Variants in ITPKC observed in about 807,000 individuals in gnomAD.
The protein encoded by ITPKC is IP3 3-kinase C.
ITPKC carries 33 observed loss-of-function variants against 67.1 expected under a neutral mutation model. That is an observed-to-expected ratio of 0.49 (90% CI 0.37 to 0.66). The LOEUF (loss-of-function observed/expected upper bound fraction) is 0.66, where lower values mean the gene tolerates loss of function less well. ITPKC is among the 30% of genes least tolerant of loss of function. The pLI is 0.00. For synonymous variants in ITPKC, 341 were observed against 359.8 expected, an observed-to-expected ratio of 0.95 and a Z score of 0.59; for missense variants, 820 against 892.1, an observed-to-expected ratio of 0.92 and a Z score of 1.03.
chr19:40,737,851 G>C (rs1232063322), intron 6 of ITPKC, 82 bp downstream of exon 6: 6 of 1,198,194 alleles, frequency 5.0e-6, no homozygotes, highest in East Asian at 2.3e-5. Context: ...TGAGTTACAG[G>C]TCAAAGATAT....
At chr19:40,735,560 T>C (rs1333912640) in intron 4 of ITPKC, among the ~76,000 whole-genome samples, 7 of 152,084 alleles carry the variant, frequency 4.6e-5, no homozygotes, top group Non-Finnish European at 1.0e-4. Context: ...TCTGTCTCCT[T>C]TCAAATTTTG....
intron 1 of ITPKC, among the ~76,000 whole-genome samples, chr19:40,721,614 C>G (rs2082222926): frequency 6.6e-6 from 1 of 152,016 alleles, no homozygotes; most frequent in Non-Finnish European, 1.5e-5. Flanking sequence ...GGTGATCCAC[C>G]CACCTCAGCC....
rs779431181 is a variant in ITPKC, at chr19:40,733,164, T to C, written c.1474T>C (p.Tyr492His). 6 of 1,614,120 alleles carry C rather than the reference T, an allele frequency of 3.7e-6. No individual in the cohort carries two copies. The highest frequency in any genetic ancestry group is 5.1e-6 in the Non-Finnish European group (6 of 1,179,942). ...TCACATCCTCTGTGTGCTCAGGACC[T>C]ATCTGGAAGAGGAGCTAGTGAAGGC... is the stretch of plus-strand genomic sequence containing the variant. ...IMDCKMGSRT[Y>H]LEEELVKARE... is the part of the protein sequence containing the mutation. The change falls in exon 4 of 7, where the codon TAT becomes CAT. Residue 492 changes from tyrosine to histidine, a missense_variant. Tyr to His is a moderately conservative substitution (Grantham distance 83). Around this residue, in one of 2 missense-constraint regions of ITPKC, gnomAD observed 339 missense variants for 422.0 expected, o/e 0.80. Transcript: ENST00000263370.
chr19:40,739,487 G>A lies in ITPKC; in HGVS notation c.1979G>A (p.Gly660Asp). The change falls in exon 7 of 7, where the codon GGC becomes GAC. Residue 660 changes from glycine (G) to aspartate (D), a missense_variant. Physicochemically the swap from Gly to Asp is moderately conservative, Grantham distance 94. This residue lies in a region of ITPKC where 339 missense variants were observed against 422.0 expected (regional missense o/e 0.80). Coordinates refer to ENST00000263370, the MANE Select transcript of ITPKC (RefSeq NM_025194.3). ...AGCCACAGGCTGCCCTGGGCTGAGG[G>A]CAACCGTGAGGACGGCTACCTCTGG... ...TLSHRLPWAE[G>D]NREDGYLWGL... 1 of 1,613,588 alleles carries A rather than the reference G, an allele frequency of 6.2e-7. No individual in the cohort carries two copies. Among genetic ancestry groups the A allele is most frequent in the Non-Finnish European group, 8.5e-7 (1 of 1,179,998 alleles).
At chr19:40,724,147 C>T (rs966610369) in intron 1 of ITPKC, among the ~76,000 whole-genome samples, 3 of 152,164 alleles carry the variant, frequency 2.0e-5, no homozygotes, top group Non-Finnish European at 2.9e-5. Context: ...GTGGCTCACA[C>T]CTATAATCCC....
Position 40,723,757 on chromosome 19 carries a change from G to A in ITPKC, c.1156-1583G>A, listed in dbSNP as rs1225335814. Among the ~76,000 whole-genome samples, 6 of 151,898 alleles carry A rather than the reference G, an allele frequency of 4.0e-5. No homozygotes were observed. In the East Asian group the frequency reaches 5.8e-4, roughly 15 times the overall value. Reference sequence around the variant, plus strand: ...GGTGATCTGCCCACCTCACCCTCCCGAAATGCTGGGATTACAGGTGAGAGC... The same window carrying A: ...GGTGATCTGCCCACCTCACCCTCCCAAAATGCTGGGATTACAGGTGAGAGC... On this transcript the variant is annotated intron_variant, in intron 1 of 6. Transcript: ENST00000263370.
At chr19:40,722,772 C>CT (rs2082228264) in intron 1 of ITPKC, among the ~76,000 whole-genome samples, 1 of 152,014 alleles carries the variant, frequency 6.6e-6, no homozygotes, top group African/African-American at 2.4e-5. Context: ...CTCTGGTTTT[C>CT]TTTCTTTCTT....
At chr19:40,732,768 T>C (rs2082277699) in intron 3 of ITPKC, among the ~76,000 whole-genome samples, 1 of 152,142 alleles carries the variant, frequency 6.6e-6, no homozygotes, top group East Asian at 1.9e-4. Flanking sequence ...GTTTTTTTCA[T>C]TGTGTTTAAG....
chr19:40,736,936 T>A, intron 4 of ITPKC, 50 bp from the exon 5 acceptor site: 6 of 1,277,378 alleles, frequency 4.7e-6, no homozygotes, highest in Non-Finnish European at 6.7e-6. Context: ...GGGTATTGGG[T>A]GCGGGAAGGA....
chr19:40,717,564 T>C lies in ITPKC; in HGVS notation c.429T>C (p.Asp143=), dbSNP rs201815448. Reference sequence around the variant, plus strand: ...GTCTTTGGACGGAGACCGGGACAGATGGCCTTTGGACTGATCCGCACAGGT... The same window carrying C: ...GTCTTTGGACGGAGACCGGGACAGACGGCCTTTGGACTGATCCGCACAGGT... ...TTCLWTETGT[D]GLWTDPHRSD... The change falls in exon 1 of 7, where the codon GAT becomes GAC. Residue 143 remains aspartate, a synonymous_variant. Coordinates refer to ENST00000263370, the MANE Select transcript of ITPKC (RefSeq NM_025194.3). 26 of 1,613,948 alleles carry C rather than the reference T, an allele frequency of 1.6e-5. No homozygotes were observed. Among genetic ancestry groups the C allele is most frequent in the Non-Finnish European group, 2.0e-5 (24 of 1,179,988 alleles).
At position 40,718,798 on chromosome 19, in the gene ITPKC, C is replaced by G. The variant is rs567572248; in HGVS notation, c.1155+508C>G. On this transcript the variant is annotated intron_variant, in intron 1 of 6. Coordinates refer to ENST00000263370, the MANE Select transcript of ITPKC (RefSeq NM_025194.3). Reference sequence around the variant, plus strand: ...TTTGTATGTACATTTTTCTAGGGAGCAAAGCGATTCCCCCAGCTTGCATCA... The same window carrying G: ...TTTGTATGTACATTTTTCTAGGGAGGAAAGCGATTCCCCCAGCTTGCATCA... Among the ~76,000 whole-genome samples, 9 of 152,270 alleles carry G rather than the reference C, an allele frequency of 5.9e-5. No homozygotes were observed. The East Asian group carries it at 1.7e-3, about 29-fold the overall frequency.
rs749864734 is a variant in ITPKC, at chr19:40,729,413, C to T, written c.1467C>T (p.Ser489=). 5 of 1,611,708 alleles carry T rather than the reference C, an allele frequency of 3.1e-6. No individual in the cohort carries two copies. In the Admixed American group the frequency reaches 8.4e-5, roughly 27 times the overall value. Residue 489 remains serine (S), a splice_region_variant and synonymous_variant, in exon 3 of 7, where the codon AGC becomes AGT. Transcript: ENST00000263370. ...CCATTATGGACTGCAAGATGGGCAG[C>T]AGGTGGGGCTGGGGCAGCCCTGGGG... The part of the protein sequence containing the change: ...GPSIMDCKMG[S]RTYLEEELVK...
intron 3 of ITPKC, among the ~76,000 whole-genome samples, chr19:40,732,632 A>G (rs1013274859): frequency 2.0e-5 from 3 of 151,440 alleles, no homozygotes; most frequent in African/African-American, 4.8e-5. Flanking sequence ...GGGTCTCGCT[A>G]TGTTGCCGAG....
chr19:40,737,151 C>A, intron 5 of ITPKC, 64 bp downstream of exon 5: 1 of 1,107,092 alleles, frequency 9.0e-7, no homozygotes, highest in Non-Finnish European at 1.3e-6. Context: ...ATTCTTGCTC[C>A]AGAGTCAGTG....
At chr19:40,724,034 C>G (rs995721133) in intron 1 of ITPKC, among the ~76,000 whole-genome samples, 1 of 152,204 alleles carries the variant, frequency 6.6e-6, no homozygotes, top group Non-Finnish European at 1.5e-5. Context: ...CTCCCTCCCC[C>G]ACTGGGGAAC....
Position 40,737,751 on chromosome 19 carries a change from C to T in ITPKC, c.1830C>T (p.Pro610=), listed in dbSNP as rs1228416481. The T allele has an allele frequency of 6.2e-7, 1 of 1,613,996 alleles. No individual in the cohort carries two copies. Among genetic ancestry groups the T allele is most frequent in the Non-Finnish European group, 8.5e-7 (1 of 1,179,982 alleles). ...EELREALEIS[P]FFKTHEVVGS... is the part of the protein sequence containing the mutation. Reference sequence around the variant, plus strand: ...TTCGTGAAGCTCTGGAGATCTCCCCCTTCTTCAAGACCCACGAGGTGCGAG... The same window carrying T: ...TTCGTGAAGCTCTGGAGATCTCCCCTTTCTTCAAGACCCACGAGGTGCGAG... The change falls in exon 6 of 7, where the codon CCC becomes CCT. Residue 610 remains proline, a synonymous_variant. Coordinates refer to ENST00000263370, the MANE Select transcript of ITPKC (RefSeq NM_025194.3).
Position 40,718,102 on chromosome 19 carries a change from C to A in ITPKC, c.967C>A (p.Pro323Thr), listed in dbSNP as rs908407684. 2.0e-5 allele frequency: 33 copies of A among 1,613,322 alleles called. No homozygotes were observed. Among genetic ancestry groups the A allele is most frequent in the South Asian group, 3.3e-5 (3 of 91,090 alleles). The change falls in exon 1 of 7, where the codon CCC becomes ACC. Residue 323 changes from proline (P) to threonine (T), a missense_variant. Transcript: ENST00000263370. ...CCTGTACTCTCACCTGAAGTGTAGC[C>A]CCCTGTGCCCTGTGCCCCGCCTCAT... Reference protein sequence around the residue: ...THLYSHLKCSPLCPVPRLIIT... With the variant: ...THLYSHLKCSTLCPVPRLIIT...
chr19:40,722,796 A>C (rs927236879), intron 1 of ITPKC, among the ~76,000 whole-genome samples: 1 of 151,920 alleles, frequency 6.6e-6, no homozygotes, highest in Non-Finnish European at 1.5e-5. Context: ...TATTTTTTTG[A>C]GTCAGGGTCT....
intron 1 of ITPKC, among the ~76,000 whole-genome samples, chr19:40,723,054 C>G (rs1416292842): frequency 6.6e-6 from 1 of 152,104 alleles, no homozygotes; most frequent in Non-Finnish European, 1.5e-5. Context: ...CTCTGCCTCT[C>G]AGGTTCACAC....
Sources: allele counts gnomAD v4.1 joint callset (sites outside exome capture counted in the v4.1 genomes callset), GRCh38; gene constraint gnomAD v4.1.1; regional missense constraint gnomAD v4.1.1; transcripts MANE v1.5; gene names NCBI Gene and HGNC (gene_info 2026-07-23, HGNC 2026-07-21).